The following SLC7A14 variants were observed in gnomAD, a reference collection of about 807,000 sequenced individuals.
The protein encoded by SLC7A14 is gamma-aminobutyric acid transporter SLC7A14.
A neutral mutation model predicts 60.2 loss-of-function variants in SLC7A14; 37 were observed. That is an observed-to-expected ratio of 0.61 (90% CI 0.47 to 0.81). The LOEUF (loss-of-function observed/expected upper bound fraction) is 0.81, where lower values mean the gene tolerates loss of function less well. SLC7A14 is among the 30% of genes least tolerant of loss of function. The pLI, the probability that SLC7A14 is intolerant of heterozygous loss-of-function variation, is 0.00. For missense variants in SLC7A14, 886 were observed against 982.7 expected (o/e 0.90, Z 1.32); for synonymous variants, 399 against 395.8 (o/e 1.01, Z -0.10).
In SLC7A14 at chr3:170,479,152, T is replaced by TAACAACAAC. The variant is rs71300473; in HGVS notation, c.1993+1128_1993+1136dup. ...CAACAAACAAAACAAAACAAACAAA[T>TAACAACAAC]AACAACAACAACAACAACAACAAAA... On this transcript the variant is annotated intron_variant, in intron 7 of 7. Coordinates refer to ENST00000231706, the MANE Select transcript of SLC7A14 (RefSeq NM_020949.3). Among the ~76,000 whole-genome samples the TAACAACAAC allele has an allele frequency of 1.0e-3, 150 of 150,596 alleles. 2 individuals carry two copies. Among genetic ancestry groups the TAACAACAAC allele is most frequent in the African/African-American group, 3.2e-3 (133 of 41,060 alleles).
In SLC7A14 at chr3:170,461,459, C is replaced by G. The variant is rs1294585321; in HGVS notation, c.*5596G>C. ...AAAGCATTTTAAAAAGGAAGTTGCTCTTAAGGAGAAAAAAAAATTAAAACA... is the reference window on the plus strand; with the variant it reads ...AAAGCATTTTAAAAAGGAAGTTGCTGTTAAGGAGAAAAAAAAATTAAAACA... On this transcript the variant is annotated 3_prime_UTR_variant, in exon 8 of 8. Coordinates refer to ENST00000231706, the MANE Select transcript of SLC7A14 (RefSeq NM_020949.3). 4 of 139,796 alleles carry G rather than the reference C, an allele frequency of 2.9e-5. No individual in the cohort carries two copies. The South Asian group carries it at 8.6e-4, about 30-fold the overall frequency. The allele number at this position is 139,796 out of a possible 1,614,324, so 8.7% of individuals were successfully genotyped here.
At chr3:170,581,012 A>G (rs1365308774) in intron 1 of SLC7A14, among the ~76,000 whole-genome samples, 2 of 152,178 alleles carry the variant, frequency 1.3e-5, no homozygotes, top group Admixed American at 6.5e-5. Context: ...AGTAGGTCAT[A>G]GATGCCAGGT....
At position 170,496,507 on chromosome 3, in the gene SLC7A14, C is replaced by T. The variant is rs540169578; in HGVS notation, c.759+2160G>A. 20 of 1,496,638 alleles carry T rather than the reference C, an allele frequency of 1.3e-5. No homozygotes were observed. In the Admixed American group the frequency reaches 1.5e-4, roughly 11 times the overall value. 92.7% of individuals were successfully genotyped at this position (1,496,638 alleles called of 1,614,324 possible). A position where few individuals can be genotyped will look rare whatever the true frequency, so the allele number is the denominator to read the frequency against. On this transcript the variant is annotated intron_variant, in intron 4 of 7. Coordinates refer to ENST00000231706, the MANE Select transcript of SLC7A14 (RefSeq NM_020949.3). ...GCCAAGCGGTCGGAGCTGGAGGCCGCCCTGCAGCGGGCCAAGCAGGACATG... is the reference window on the plus strand; with the variant it reads ...GCCAAGCGGTCGGAGCTGGAGGCCGTCCTGCAGCGGGCCAAGCAGGACATG...
chr3:170,543,311 C>G (rs141247761), intron 1 of SLC7A14, among the ~76,000 whole-genome samples: 18 of 152,252 alleles, frequency 1.2e-4, no homozygotes, highest in African/African-American at 4.3e-4. Flanking sequence ...TTACTATGCT[C>G]TGCGTTAAAG....
Position 170,585,285 on chromosome 3 carries a change from C to T in SLC7A14, c.-153+626G>A, listed in dbSNP as rs571659785. Among the ~76,000 whole-genome samples the T allele has an allele frequency of 2.6e-5, 4 of 152,234 alleles. No individual in the cohort carries two copies. The South Asian group carries it at 6.2e-4, about 24-fold the overall frequency. ...CCCGTCACGTCCTCTTCGCCGCTCC[C>T]GGGAGAGTCACCACTCTCCGGGGAC... is the stretch of plus-strand genomic sequence containing the variant. On this transcript the variant is annotated intron_variant, in intron 1 of 7. Coordinates refer to ENST00000231706, the MANE Select transcript of SLC7A14 (RefSeq NM_020949.3). This position sits in a 1 kb window ranked among gnomAD's most constrained non-coding sequence, Gnocchi z 5.1.
intron 1 of SLC7A14, among the ~76,000 whole-genome samples, chr3:170,527,684 A>T (rs545105930): frequency 6.6e-6 from 1 of 152,098 alleles, no homozygotes; most frequent in East Asian, 1.9e-4. Flanking sequence ...TGTTTTGGGA[A>T]TTTTTTTTAC....
At chr3:170,571,893 T>C (rs1372402998) in intron 1 of SLC7A14, among the ~76,000 whole-genome samples, 3 of 151,526 alleles carry the variant, frequency 2.0e-5, no homozygotes, top group Non-Finnish European at 4.4e-5. Context: ...ACCCCATCTC[T>C]ACTAAAAATA....
chr3:170,491,616 G>T (rs774518083), intron 4 of SLC7A14, among the ~76,000 whole-genome samples: 1 of 152,170 alleles, frequency 6.6e-6, no homozygotes, highest in Non-Finnish European at 1.5e-5. Context: ...CTAAGTGTAG[G>T]GGGTGGAATG....
At chr3:170,561,004 C>T (rs952134226) in intron 1 of SLC7A14, among the ~76,000 whole-genome samples, 1 of 152,098 alleles carries the variant, frequency 6.6e-6, no homozygotes, top group Non-Finnish European at 1.5e-5. Context: ...AAAGACACCC[C>T]CTTCCCCACA....
chr3:170,529,541 A>G (rs1466923472), intron 1 of SLC7A14, among the ~76,000 whole-genome samples: 1 of 152,172 alleles, frequency 6.6e-6, no homozygotes. Context: ...TGAGACATTC[A>G]AAGTCCTGCT....
rs1207069758 is a variant in SLC7A14 at position 170,560,168 on chromosome 3, C to G, written c.-153+25743G>C. On this transcript the variant is annotated intron_variant, in intron 1 of 7. Transcript: ENST00000231706. ...TTAAATTTAAGTTTCTGAAAACCTA[C>G]CTTCAACAGAAAGAAAAATTTCTTT... Among the ~76,000 whole-genome samples the G allele has an allele frequency of 4.6e-5, 7 of 152,106 alleles. No individual in the cohort carries two copies. The East Asian group carries it at 1.3e-3, about 29-fold the overall frequency.
intron 2 of SLC7A14, among the ~76,000 whole-genome samples, chr3:170,519,118 A>G (rs140813734): frequency 6.6e-6 from 1 of 152,348 alleles, no homozygotes; most frequent in Non-Finnish European, 1.5e-5. Flanking sequence ...CTGTAGAAGC[A>G]GAGACTTAGA....
chr3:170,471,579 A>C (rs976609087), intron 7 of SLC7A14, among the ~76,000 whole-genome samples: 1 of 152,208 alleles, frequency 6.6e-6, no homozygotes, highest in Non-Finnish European at 1.5e-5. Context: ...TGTGTGTGGA[A>C]AACTCTTCAC....
rs140624264 is a variant in SLC7A14, at chr3:170,542,761, T to C, written c.-152-15673A>G. Among the ~76,000 whole-genome samples, 350 of 152,332 alleles carry C rather than the reference T, an allele frequency of 2.3e-3. 2 individuals carry two copies. Among genetic ancestry groups the C allele is most frequent in the Middle Eastern group, 0.014 (4 of 294 alleles). Reference sequence around the variant, plus strand: ...TAAGCTATTCTGATTTTTTCTTCTTTAGTATAAGAAGATTTCAAAAGATCT... The same window carrying C: ...TAAGCTATTCTGATTTTTTCTTCTTCAGTATAAGAAGATTTCAAAAGATCT... On this transcript the variant is annotated intron_variant, in intron 1 of 7. Coordinates refer to ENST00000231706, the MANE Select transcript of SLC7A14 (RefSeq NM_020949.3).
chr3:170,565,957 G>T (rs1025042679), intron 1 of SLC7A14, among the ~76,000 whole-genome samples: 2 of 152,132 alleles, frequency 1.3e-5, no homozygotes, highest in Admixed American at 6.5e-5. Flanking sequence ...TACTGGAATT[G>T]GATTGAATTG....
At chr3:170,495,503 C>T (rs1308254618) in intron 4 of SLC7A14, 3 of 825,194 alleles carry the variant, frequency 3.6e-6, no homozygotes, top group African/African-American at 1.7e-5. Context: ...AGGCCTTTAG[C>T]AGCCGCTTTT....
rs1473075115 is a variant in SLC7A14 at position 170,566,066 on chromosome 3, T to G, written c.-153+19845A>C. ...TGGCAATCATCTGTGGTTGCCCTTC[T>G]GTCTTATAGAAGAGGAATTTAAGGC... On this transcript the variant is annotated intron_variant, in intron 1 of 7. Transcript: ENST00000231706. Among the ~76,000 whole-genome samples, 3 of 152,168 alleles carry G rather than the reference T, an allele frequency of 2.0e-5. No homozygotes were observed. The East Asian group carries it at 5.8e-4, about 29-fold the overall frequency.
At chr3:170,468,097 A>C (rs1227605436) in intron 7 of SLC7A14, among the ~76,000 whole-genome samples, 1 of 152,102 alleles carries the variant, frequency 6.6e-6, no homozygotes, top group Non-Finnish European at 1.5e-5. Context: ...GAAAATTGGC[A>C]CTTAATGTTT....
At chr3:170,568,684 A>C (rs192295672) in intron 1 of SLC7A14, among the ~76,000 whole-genome samples, 1,667 of 152,112 alleles carry the variant, frequency 0.011, 28 homozygotes, top group African/African-American at 0.038. Flanking sequence ...CTTTTATTTC[A>C]TTGAGCAGTG....
Sources: gnomAD v4.1 joint callset for allele counts (sites outside exome capture counted in the v4.1 genomes callset) on GRCh38, gnomAD v4.1.1 for gene constraint, Gnocchi (gnomAD v3.1) non-coding constraint, MANE v1.5 for transcripts, NCBI Gene and HGNC (gene_info 2026-07-23, HGNC 2026-07-21) for gene names.